The following ZFYVE28 variants were observed in gnomAD, a reference collection of about 807,000 sequenced individuals.
ZFYVE28 encodes the protein lateral signaling target protein 2 homolog.
In ZFYVE28, 40 loss-of-function variants were observed where a neutral mutation model predicts 82.1. The observed-to-expected ratio is 0.49, with a 90% CI of 0.38 to 0.63. The LOEUF (loss-of-function observed/expected upper bound fraction) is 0.63, where lower values mean the gene tolerates loss of function less well. Among genes scored for constraint, ZFYVE28 ranks in the 30% least tolerant of loss-of-function variants. ZFYVE28 has a pLI of 0.00. For synonymous variants in ZFYVE28, 612 were observed against 546.1 expected, an observed-to-expected ratio of 1.12 and a Z score of -1.68; for missense variants, 1,321 against 1,242.1, an observed-to-expected ratio of 1.06 and a Z score of -0.96.
intron 7 of ZFYVE28, among the ~76,000 whole-genome samples, chr4:2,317,469 C>T (rs1178640860): frequency 2.6e-5 from 4 of 152,172 alleles, no homozygotes; most frequent in Non-Finnish European, 5.9e-5. Flanking sequence ...GCGCTTAGGC[C>T]TGGTTACTGC....
rs553099206 is a variant in ZFYVE28, at chr4:2,304,840, C to T, written c.1500G>A (p.Thr500=). Residue 500 remains threonine (T), a synonymous_variant, in exon 8 of 13, where the codon ACG becomes ACA. Transcript: ENST00000290974. ...GWEVGADDAE[T]AEMIAHRTGG... is the part of the protein sequence containing the mutation. ...CTGTCCGGTGGGCGATCATCTCAGCCGTCTCTGCGTCATCCGCACCCACCT... is the reference window on the plus strand; with the variant it reads ...CTGTCCGGTGGGCGATCATCTCAGCTGTCTCTGCGTCATCCGCACCCACCT... 150 of 1,612,482 alleles carry T rather than the reference C, an allele frequency of 9.3e-5. No homozygotes were observed. The highest frequency in any genetic ancestry group is 3.6e-4 in the East Asian group (16 of 44,884).
At position 2,297,087 on chromosome 4, in the gene ZFYVE28, G is replaced by C. The variant is rs912170585; in HGVS notation, c.2051+7202C>G. 1.0e-3 allele frequency among the ~76,000 whole-genome samples: 153 copies of C among 152,346 alleles called. 2 individuals carry two copies. The highest frequency in any genetic ancestry group is 4.6e-4 in the Admixed American group (7 of 15,306). ...TCTGCTGGTGGGAAAGCCGAATGGT[G>C]GATGTGGGAACGAAGCACATCAGAA... On this transcript the variant is annotated intron_variant, in intron 8 of 12. Transcript: ENST00000290974.
intron 12 of ZFYVE28, 160 bp from the exon 13 acceptor site, chr4:2,271,016 C>A: frequency 4.6e-6 from 5 of 1,089,928 alleles, no homozygotes; most frequent in Non-Finnish European, 6.5e-6. Context: ...GGAGGCTGGA[C>A]TCTATGAGGG....
At chr4:2,319,028 C>G (rs1718649355) in intron 7 of ZFYVE28, 2 of 152,690 alleles carry the variant, frequency 1.3e-5, no homozygotes, top group South Asian at 4.1e-4. Flanking sequence ...AGGACGTCCA[C>G]TCCACTCCTG....
chr4:2,270,726 C>T lies in ZFYVE28; in HGVS notation c.2663G>A (p.Ter888=). 1 of 1,613,136 alleles carries T rather than the reference C, an allele frequency of 6.2e-7. No homozygotes were observed. The highest frequency in any genetic ancestry group is 8.5e-7 in the Non-Finnish European group (1 of 1,179,918). Residue 888 remains the stop codon, a stop_retained_variant, in exon 13 of 13, where the codon TGA becomes TAA. Transcript: ENST00000290974. ...TPFYSDKAGL[*] ...GTTGGGGCTGCCCCTGGCACCACGTCACAGGCCGGCCTTGTCGCTGTAGAA... is the reference window on the plus strand; with the variant it reads ...GTTGGGGCTGCCCCTGGCACCACGTTACAGGCCGGCCTTGTCGCTGTAGAA...
Position 2,418,146 on chromosome 4 carries a change from G to T in ZFYVE28, c.39+139C>A. ...GAAGATCTGTCCAAGTCTTGGAGTGGAGGGAAGGATGTCGGCGGTGGGGGA... is the reference window on the plus strand; with the variant it reads ...GAAGATCTGTCCAAGTCTTGGAGTGTAGGGAAGGATGTCGGCGGTGGGGGA... On this transcript the variant is annotated intron_variant, in intron 1 of 12. Transcript: ENST00000290974. The surrounding 1 kb of genome is among the most constrained non-coding windows in gnomAD (Gnocchi z 4.6). 1 of 682,652 alleles carries T rather than the reference G, an allele frequency of 1.5e-6. No individual in the cohort carries two copies. Among genetic ancestry groups the T allele is most frequent in the Non-Finnish European group, 2.2e-6 (1 of 450,496 alleles). 42.3% of individuals were successfully genotyped at this position (682,652 alleles called of 1,614,324 possible).
chr4:2,414,357 C>T lies in ZFYVE28; in HGVS notation c.39+3928G>A, dbSNP rs190413002. Among the ~76,000 whole-genome samples the T allele has an allele frequency of 1.5e-3, 222 of 152,386 alleles. 1 individual carries two copies. Among genetic ancestry groups the T allele is most frequent in the Middle Eastern group, 0.01 (3 of 294 alleles). On this transcript the variant is annotated intron_variant, in intron 1 of 12. Transcript: ENST00000290974. ...TCTTTCATAAAGCACACACACCCAG[C>T]AAGTCACTCAGGCTTCTCTTGGCAA...
chr4:2,310,974 A>G (rs952737328), intron 7 of ZFYVE28, among the ~76,000 whole-genome samples: 5 of 152,184 alleles, frequency 3.3e-5, no homozygotes, highest in Non-Finnish European at 7.3e-5. Flanking sequence ...AACTTCTTTA[A>G]TAGATATTGG....
intron 8 of ZFYVE28, among the ~76,000 whole-genome samples, chr4:2,297,547 C>T (rs889181988): frequency 9.8e-5 from 15 of 152,362 alleles, no homozygotes; most frequent in Middle Eastern, 3.4e-3. Flanking sequence ...TAGCTGTCAC[C>T]GCCAGAAGAG....
At chr4:2,404,239 A>C (rs55774707) in intron 1 of ZFYVE28, among the ~76,000 whole-genome samples, 1 of 145,820 alleles carries the variant, frequency 6.9e-6, no homozygotes. Flanking sequence ...GGAGAATGGC[A>C]TGAACCCGGG....
At chr4:2,363,724 G>T (rs1726478662) in intron 1 of ZFYVE28, among the ~76,000 whole-genome samples, 1 of 152,220 alleles carries the variant, frequency 6.6e-6, no homozygotes, top group African/African-American at 2.4e-5. Context: ...ACAGGCAGAA[G>T]TTCCTGGTAT....
chr4:2,415,692 T>C (rs1472666084), intron 1 of ZFYVE28, among the ~76,000 whole-genome samples: 1 of 152,206 alleles, frequency 6.6e-6, no homozygotes, highest in Non-Finnish European at 1.5e-5. Context: ...ACTGACTTTG[T>C]GCTTATTTGT....
intron 1 of ZFYVE28, among the ~76,000 whole-genome samples, chr4:2,379,088 G>A (rs1469690528): frequency 6.6e-6 from 1 of 152,124 alleles, no homozygotes; most frequent in African/African-American, 2.4e-5. Flanking sequence ...GGGGGTAGAC[G>A]GGGGCTGGTC....
intron 8 of ZFYVE28, among the ~76,000 whole-genome samples, chr4:2,301,098 C>T (rs1715445505): frequency 6.6e-6 from 1 of 152,016 alleles, no homozygotes; most frequent in South Asian, 2.1e-4. Context: ...TGAAGCTGGT[C>T]TCCTGTGTCT....
intron 7 of ZFYVE28, among the ~76,000 whole-genome samples, chr4:2,313,296 T>C (rs1386597289): frequency 6.6e-6 from 1 of 152,042 alleles, no homozygotes; most frequent in African/African-American, 2.4e-5. Context: ...GGTCTGGCTG[T>C]GTGGTGCAGG....
At chr4:2,355,205 T>C (rs1222210758) in intron 1 of ZFYVE28, among the ~76,000 whole-genome samples, 11 of 514 alleles carry the variant, frequency 0.021, no homozygotes, top group South Asian at 0.071. Flanking sequence ...TGAAAATATA[T>C]ATATATATAT....
At chr4:2,356,229 G>A (rs1290238613) in intron 1 of ZFYVE28, among the ~76,000 whole-genome samples, 1 of 152,220 alleles carries the variant, frequency 6.6e-6, no homozygotes. Flanking sequence ...AGCGACGGCT[G>A]CATGCACCTG....
intron 8 of ZFYVE28, among the ~76,000 whole-genome samples, chr4:2,288,874 C>T (rs1175795343): frequency 6.6e-6 from 1 of 152,170 alleles, no homozygotes; most frequent in African/African-American, 2.4e-5. Context: ...CCAAGCTACT[C>T]GGGATCACTT....
At chr4:2,334,959 C>A (rs904135167) in intron 6 of ZFYVE28, among the ~76,000 whole-genome samples, 1 of 149,708 alleles carries the variant, frequency 6.7e-6, no homozygotes, top group Non-Finnish European at 1.5e-5. Context: ...GAATCCCCGT[C>A]TGGAGTCAGG....
Sources: allele counts gnomAD v4.1 joint callset (sites outside exome capture counted in the v4.1 genomes callset), GRCh38; gene constraint gnomAD v4.1.1; non-coding constraint Gnocchi (gnomAD v3.1); transcripts MANE v1.5; gene names NCBI Gene and HGNC (gene_info 2026-07-23, HGNC 2026-07-21).